The following OR56A3 variants were observed in gnomAD, a reference collection of about 807,000 sequenced individuals.
The protein encoded by OR56A3 is olfactory receptor family 56 subfamily A member 3.
In OR56A3, 23 loss-of-function variants were observed where a neutral mutation model predicts 17.5. The observed-to-expected ratio is 1.32, with a 90% confidence interval of 0.95 to 1.87. The LOEUF is 1.87. Among genes scored for constraint, OR56A3 ranks in the 40% most tolerant of loss-of-function variants. OR56A3 has a pLI of 0.00. For missense variants in OR56A3, 366 were observed against 380.1 expected (o/e 0.96, Z 0.31); for synonymous variants, 175 against 150.6 (o/e 1.16, Z -1.19).
At chr11:5,969,739 T>C in the OR56A3 span, among the ~76,000 whole-genome samples, 2 of 152,228 alleles carry the variant, frequency 1.3e-5, no homozygotes, top group Non-Finnish European at 2.9e-5. Context: ...AATACTAATC[T>C]ATTTATTCTT....
the OR56A3 span, chr11:5,985,922 C>A: frequency 6.3e-7 from 1 of 1,577,768 alleles, no homozygotes; most frequent in Non-Finnish European, 8.6e-7. Context: ...CCGAAGGAAA[C>A]AATGAGAATA....
At chr11:5,988,324 G>T in the OR56A3 span, among the ~76,000 whole-genome samples, 3 of 151,922 alleles carry the variant, frequency 2.0e-5, no homozygotes, top group East Asian at 5.8e-4. Flanking sequence ...TTTTTTTAAA[G>T]AAACATATCT....
the OR56A3 span, among the ~76,000 whole-genome samples, chr11:5,965,912 T>C: frequency 3.9e-5 from 6 of 152,080 alleles, no homozygotes; most frequent in Middle Eastern, 3.4e-3. Flanking sequence ...GAAAAACATA[T>C]AGGAGGGACA....
chr11:5,973,433 T>C, the OR56A3 span, among the ~76,000 whole-genome samples: 3 of 152,218 alleles, frequency 2.0e-5, no homozygotes, highest in East Asian at 5.8e-4. Context: ...GTTTACAGTG[T>C]GGTAGAATCA....
chr11:5,978,726 GCT>G, the OR56A3 span, among the ~76,000 whole-genome samples: 4 of 152,006 alleles, frequency 2.6e-5, no homozygotes, highest in Non-Finnish European at 5.9e-5. Context: ...TTGCCTGATT[GCT>G]CTGTCCACGA....
chr11:5,973,187 A>G, the OR56A3 span, among the ~76,000 whole-genome samples: 1 of 152,176 alleles, frequency 6.6e-6, no homozygotes, highest in East Asian at 1.9e-4. Flanking sequence ...ATTATCAACT[A>G]TATGTCCAGA....
chr11:5,963,961 C>T, the OR56A3 span, among the ~76,000 whole-genome samples: 10 of 152,154 alleles, frequency 6.6e-5, no homozygotes, highest in South Asian at 1.9e-3. Context: ...TTTCTGTCTA[C>T]AGATTCTTTC....
chr11:5,945,151 T>C (rs1847861231), intron 2 of OR56A3, 69 bp downstream of exon 2: 1 of 152,230 alleles, frequency 6.6e-6, no homozygotes, highest in Non-Finnish European at 1.5e-5. Flanking sequence ...CTTCCTTCCT[T>C]GTCACCCTGT....
At chr11:6,010,483 G>A in the OR56A3 span, among the ~76,000 whole-genome samples, 2 of 152,166 alleles carry the variant, frequency 1.3e-5, no homozygotes, top group Non-Finnish European at 1.5e-5. Context: ...GAGGAAACTA[G>A]CTAGGTCGTT....
chr11:6,002,406 G>A, the OR56A3 span: 14 of 1,614,262 alleles, frequency 8.7e-6, no homozygotes, highest in Non-Finnish European at 1.2e-5. Context: ...CTGATTGAAA[G>A]TGATGTCATC....
the OR56A3 span, among the ~76,000 whole-genome samples, chr11:5,980,780 A>G: frequency 1.3e-5 from 2 of 152,152 alleles, no homozygotes; most frequent in Admixed American, 1.3e-4. Flanking sequence ...TCAATAGTCT[A>G]TGTACTTAAG....
At chr11:5,961,293 G>C in the OR56A3 span, among the ~76,000 whole-genome samples, 2 of 152,234 alleles carry the variant, frequency 1.3e-5, no homozygotes, top group Non-Finnish European at 2.9e-5. Context: ...TGACAATGGC[G>C]GTTTTGTCCA....
chr11:5,967,883 A>G, the OR56A3 span: 1 of 1,581,708 alleles, frequency 6.3e-7, no homozygotes, highest in Non-Finnish European at 8.6e-7. Flanking sequence ...TCCAACCTAT[A>G]ACAAACTGGT....
chr11:5,976,159 G>A, the OR56A3 span, among the ~76,000 whole-genome samples: 1 of 151,952 alleles, frequency 6.6e-6, no homozygotes, highest in Non-Finnish European at 1.5e-5. Context: ...GAGGAAAAGG[G>A]AGAGAAGGAA....
At chr11:5,967,522 T>C in the OR56A3 span, 19 of 1,425,510 alleles carry the variant, frequency 1.3e-5, no homozygotes, top group Non-Finnish European at 1.7e-5. Flanking sequence ...CAATTTCTGT[T>C]TTCAAGGTCA....
the OR56A3 span, among the ~76,000 whole-genome samples, chr11:5,971,084 A>C: frequency 6.6e-6 from 1 of 152,212 alleles, no homozygotes; most frequent in Non-Finnish European, 1.5e-5. Flanking sequence ...GACAGCACAA[A>C]GCTCTTGGGG....
chr11:5,968,923 A>C, the OR56A3 span, among the ~76,000 whole-genome samples: 4 of 152,230 alleles, frequency 2.6e-5, no homozygotes, highest in African/African-American at 9.6e-5. Context: ...GGGTCCTTTC[A>C]GTAAGTAGTG....
the OR56A3 span, among the ~76,000 whole-genome samples, chr11:5,993,309 A>G: frequency 2.6e-5 from 4 of 152,182 alleles, no homozygotes; most frequent in Non-Finnish European, 5.9e-5. Flanking sequence ...AAATCTCATT[A>G]GCAAAATATC....
At chr11:5,984,561 A>G in the OR56A3 span, among the ~76,000 whole-genome samples, 3 of 152,200 alleles carry the variant, frequency 2.0e-5, no homozygotes, top group Non-Finnish European at 1.5e-5. Context: ...GATGTAATAC[A>G]TCATACCCTG....
Sources: gnomAD v4.1 joint callset for allele counts (sites outside exome capture counted in the v4.1 genomes callset) on GRCh38, gnomAD v4.1.1 for gene constraint, MANE v1.5 for transcripts, NCBI Gene and HGNC (gene_info 2026-07-23, HGNC 2026-07-21) for gene names.